DMD: variants seen among roughly 807,000 people sequenced by gnomAD.
DMD encodes the protein mutant dystrophin.
DMD carries 63 observed loss-of-function variants against 330.1 expected under a neutral mutation model. The observed-to-expected ratio is 0.19, with a 90% confidence interval of 0.16 to 0.24. The LOEUF is 0.24. DMD is among the 10% of genes least tolerant of loss of function. The pLI is 1.00. For synonymous variants in DMD, 1,223 were observed against 959.8 expected (o/e 1.27, Z -5.07); for missense variants, 3,344 against 2,684.1 (o/e 1.25, Z -5.43).
chrX:32,146,448 C>T (rs1170162063), intron 44 of DMD, among the ~76,000 whole-genome samples: 1 of 111,106 alleles, frequency 9.0e-6, no homozygotes, highest in Non-Finnish European at 1.9e-5. Context: ...GACAGGTAGA[C>T]AGCCAGATGG....
chrX:31,191,418 G>A (rs779332071), intron 67 of DMD, among the ~76,000 whole-genome samples: 1 of 111,684 alleles, frequency 9.0e-6, no homozygotes, highest in South Asian at 3.9e-4. Context: ...TGGTTTGGCT[G>A]TGTCCCCACC....
At chrX:31,801,585 C>A (rs1007896322) in intron 50 of DMD, among the ~76,000 whole-genome samples, 2 of 77,648 alleles carry the variant, frequency 2.6e-5, no homozygotes, top group African/African-American at 9.0e-5. Context: ...CCTCATCCCC[C>A]CCCCCCAACA....
chrX:32,589,841 T>G (rs62592516), intron 13 of DMD, among the ~76,000 whole-genome samples: 9 of 111,388 alleles, frequency 8.1e-5, no homozygotes, highest in Non-Finnish European at 1.3e-4. Context: ...AGGGGCACAC[T>G]TTACACAGAG....
chrX:32,797,463 A>G (rs1037401278), intron 7 of DMD, among the ~76,000 whole-genome samples: 5 of 112,876 alleles, frequency 4.4e-5, no homozygotes, highest in African/African-American at 1.6e-4. Context: ...TACCATCATT[A>G]GAATGGTCAA....
At chrX:31,387,733 C>G (rs187460833) in intron 60 of DMD, among the ~76,000 whole-genome samples, 1 of 111,240 alleles carries the variant, frequency 9.0e-6, no homozygotes, top group East Asian at 2.8e-4. Flanking sequence ...TCAGCTTAGT[C>G]TTGCCTCAAG....
chrX:32,929,422 CTT>C, intron 2 of DMD, among the ~76,000 whole-genome samples: 1 of 70,814 alleles, frequency 1.4e-5, no homozygotes, highest in African/African-American at 4.9e-5. Flanking sequence ...TGACCAGCAG[CTT>C]TCTCTCTCTC....
chrX:32,659,615 A>G (rs1234081933), intron 9 of DMD, among the ~76,000 whole-genome samples: 1 of 111,301 alleles, frequency 9.0e-6, no homozygotes, highest in Non-Finnish European at 1.9e-5. Flanking sequence ...CATACAGTAT[A>G]ACATACTATA....
At chrX:33,254,841 CAT>C (rs909960179) in intron 1 of DMD, among the ~76,000 whole-genome samples, 14 of 109,852 alleles carry the variant, frequency 1.3e-4, no homozygotes, top group African/African-American at 4.3e-4. Flanking sequence ...ATGGTCTATT[CAT>C]ATGATTTTCA....
intron 60 of DMD, among the ~76,000 whole-genome samples, chrX:31,350,011 T>C (rs188532858): frequency 4.5e-5 from 5 of 111,643 alleles, no homozygotes; most frequent in Admixed American, 3.8e-4. Context: ...CTCCCTAGAC[T>C]TGCCCATTTT....
intron 1 of DMD, among the ~76,000 whole-genome samples, chrX:33,022,495 G>C (rs1016834442): frequency 9.1e-6 from 1 of 109,866 alleles, no homozygotes; most frequent in African/African-American, 3.3e-5. Context: ...TGTCTTCAAT[G>C]AATTATTGTC....
intron 2 of DMD, among the ~76,000 whole-genome samples, chrX:32,886,226 T>C (rs774677409): frequency 9.1e-6 from 1 of 110,495 alleles, no homozygotes; most frequent in South Asian, 3.9e-4. Flanking sequence ...ATTTTGGTTA[T>C]ACCAAGTGGT....
chrX:31,599,448 T>C lies in DMD; in HGVS notation c.8217+28225A>G, dbSNP rs188752389. On this transcript the variant is annotated intron_variant, in intron 55 of 78. Transcript: ENST00000357033. Reference sequence around the variant, plus strand: ...CATATTAGATGCTCAATAAATATTTTTGAAGGAGTGAACATTGCTTAAGAG... The same window carrying C: ...CATATTAGATGCTCAATAAATATTTCTGAAGGAGTGAACATTGCTTAAGAG... Among the ~76,000 whole-genome samples, 294 of 112,349 alleles carry C rather than the reference T, an allele frequency of 2.6e-3. 1 individual carries two copies. Among genetic ancestry groups the C allele is most frequent in the African/African-American group, 9.2e-3 (286 of 31,040 alleles).
At chrX:31,329,969 C>CAAAAAAA (rs142353794) in intron 61 of DMD, among the ~76,000 whole-genome samples, 1 of 12,878 alleles carries the variant, frequency 7.8e-5, no homozygotes, top group Non-Finnish European at 1.3e-4. Context: ...GATTCCATCT[C>CAAAAAAA]AAAAAAAAAA....
chrX:33,114,674 AAAAT>A (rs1167354854), intron 1 of DMD, among the ~76,000 whole-genome samples: 1 of 112,145 alleles, frequency 8.9e-6, no homozygotes, highest in African/African-American at 3.2e-5. Context: ...TAAAAAGTTG[AAAAT>A]AAATATAATG....
At chrX:31,752,313 A>T (rs780045545) in intron 51 of DMD, among the ~76,000 whole-genome samples, 1 of 111,719 alleles carries the variant, frequency 9.0e-6, no homozygotes, top group East Asian at 2.8e-4. Flanking sequence ...GCTGTTTGTC[A>T]CAATGTGACA....
chrX:31,876,403 T>C lies in DMD; in HGVS notation c.6913-1030A>G, dbSNP rs758980067. On this transcript the variant is annotated intron_variant, in intron 47 of 78. Transcript: ENST00000357033. ...TAACTCTCAATGCCTCCTCTGTAGA[T>C]TGGGGACAATGATAGCACCTGCTTC... Among the ~76,000 whole-genome samples the C allele has an allele frequency of 2.7e-5, 3 of 112,240 alleles. No individual in the cohort carries two copies. In the East Asian group the frequency reaches 8.4e-4, roughly 31 times the overall value.
In DMD at chrX:33,103,185, G is replaced by C. The variant is rs190404456; in HGVS notation, c.32-82985C>G. Among the ~76,000 whole-genome samples the C allele has an allele frequency of 7.2e-5, 8 of 111,579 alleles. No individual in the cohort carries two copies. The East Asian group carries it at 2.0e-3, about 28-fold the overall frequency. On this transcript the variant is annotated intron_variant, in intron 1 of 78. Transcript: ENST00000357033. ...AGCATCACGATATTAAATACGTCCA[G>C]AATTCCTATAAAATCTGTACATTAA... is the stretch of plus-strand genomic sequence containing the variant.
At chrX:33,205,186 T>C (rs1278224011) in intron 1 of DMD, among the ~76,000 whole-genome samples, 1 of 112,731 alleles carries the variant, frequency 8.9e-6, no homozygotes, top group Non-Finnish European at 1.9e-5. Flanking sequence ...TCCTAGTTAT[T>C]TTGCAACATG....
rs747585089 is a variant in DMD at position 31,405,374 on chromosome X, G to A, written c.9084+39107C>T. Among the ~76,000 whole-genome samples the A allele has an allele frequency of 8.0e-5, 9 of 112,080 alleles. No individual in the cohort carries two copies. In the East Asian group the frequency reaches 2.2e-3, roughly 28 times the overall value. On this transcript the variant is annotated intron_variant, in intron 60 of 78. Coordinates refer to ENST00000357033, the MANE Select transcript of DMD (RefSeq NM_004006.3). ...TGAATATCAGTGCCTGAGGGCAATGGTTGATAAATCTGTAAGAAATTTTTC... is the reference window on the plus strand; with the variant it reads ...TGAATATCAGTGCCTGAGGGCAATGATTGATAAATCTGTAAGAAATTTTTC...
Sources: allele counts gnomAD v4.1 joint callset (sites outside exome capture counted in the v4.1 genomes callset), GRCh38; gene constraint gnomAD v4.1.1; transcripts MANE v1.5; gene names NCBI Gene and HGNC (gene_info 2026-07-23, HGNC 2026-07-21).